The following NAV2 variants were observed in gnomAD, a reference collection of about 807,000 sequenced individuals.
NAV2 encodes helicase, APC down-regulated 1.
A neutral mutation model predicts 223.2 loss-of-function variants in NAV2; 54 were observed. The ratio of observed to expected loss-of-function variants is 0.24; its 90% CI spans 0.19 to 0.30. NAV2 has a LOEUF of 0.30. Among genes scored for constraint, NAV2 ranks in the 10% least tolerant of loss-of-function variants. NAV2 has a pLI of 1.00. For synonymous variants in NAV2, 1,279 were observed against 1,239.3 expected (o/e 1.03, Z -0.67); for missense variants, 2,806 against 3,147.5 (o/e 0.89, Z 2.60).
chr11:19,579,922 G>A (rs894670902), intron 1 of NAV2, among the ~76,000 whole-genome samples: 6 of 152,172 alleles, frequency 3.9e-5, no homozygotes, highest in Non-Finnish European at 5.9e-5. Flanking sequence ...GGCCCAGCAC[G>A]TTAAACCAGC....
chr11:20,039,712 A>G (rs1355206920), intron 12 of NAV2, among the ~76,000 whole-genome samples: 2 of 152,274 alleles, frequency 1.3e-5, no homozygotes, highest in Admixed American at 1.3e-4. Context: ...GCACCATCCC[A>G]GGTGCTGAGG....
At chr11:19,732,117 G>A (rs2051833077) in intron 1 of NAV2, among the ~76,000 whole-genome samples, 1 of 152,152 alleles carries the variant, frequency 6.6e-6, no homozygotes, top group Non-Finnish European at 1.5e-5. Flanking sequence ...ACCAGGCATG[G>A]TGGCGCGCAC....
rs537124623 is a variant in NAV2, at chr11:20,106,626, G to GTTGTTTTTGTTTTTGTTTTTGTTT, written c.6841+908_6841+931dup. 6.1e-4 allele frequency among the ~76,000 whole-genome samples: 91 copies of GTTGTTTTTGTTTTTGTTTTTGTTT among 149,608 alleles called. 1 individual carries two copies. The highest frequency in any genetic ancestry group is 2.4e-3 in the Admixed American group (36 of 15,010). Reference sequence around the variant, plus strand: ...GAGCATTCTTTGTTGCTACTCAGTTGTTGTTTTTGTTTTTGTTTTTGTTTT... The same window carrying GTTGTTTTTGTTTTTGTTTTTGTTT: ...GAGCATTCTTTGTTGCTACTCAGTTGTTGTTTTTGTTTTTGTTTTTGTTTTTGTTTTTGTTTTTGTTTTTGTTTT... On this transcript the variant is annotated intron_variant, in intron 35 of 37. Transcript: ENST00000349880.
At chr11:20,047,548 C>T (rs2057566550) in intron 14 of NAV2, among the ~76,000 whole-genome samples, 1 of 152,152 alleles carries the variant, frequency 6.6e-6, no homozygotes, top group Non-Finnish European at 1.5e-5. Context: ...ATTGGAAGTG[C>T]TTGGCAATGG....
At position 19,890,144 on chromosome 11, in the gene NAV2, G is replaced by A. The variant is rs777011434; in HGVS notation, c.771-2290G>A. ...CAATGGTATAACTGTTAACTATTGG[G>A]TATAACTGTAAATCATTATTCATCA... On this transcript the variant is annotated intron_variant, in intron 5 of 37. Transcript: ENST00000349880. Among the ~76,000 whole-genome samples, 34 of 152,168 alleles carry A rather than the reference G, an allele frequency of 2.2e-4. 1 individual carries two copies. Among genetic ancestry groups the A allele is most frequent in the Non-Finnish European group, 3.2e-4 (22 of 68,046 alleles).
intron 10 of NAV2, among the ~76,000 whole-genome samples, chr11:19,962,706 G>A (rs1800800596): frequency 6.6e-6 from 1 of 152,158 alleles, no homozygotes; most frequent in Admixed American, 6.5e-5. Context: ...TGCAGAGTGA[G>A]ACAGACACAC....
chr11:19,683,561 G>A (rs1349755311), intron 1 of NAV2, among the ~76,000 whole-genome samples: 1 of 152,278 alleles, frequency 6.6e-6, no homozygotes, highest in Non-Finnish European at 1.5e-5. Context: ...GGGGAGAAGA[G>A]TCAGGCAAGG....
intron 6 of NAV2, among the ~76,000 whole-genome samples, chr11:19,923,486 C>T (rs1474904885): frequency 1.3e-5 from 2 of 152,142 alleles, no homozygotes; most frequent in Non-Finnish European, 2.9e-5. Flanking sequence ...TTATATTGTT[C>T]AGTGGAAGCC....
At chr11:19,640,240 G>A (rs1200137715) in intron 1 of NAV2, among the ~76,000 whole-genome samples, 1 of 152,128 alleles carries the variant, frequency 6.6e-6, no homozygotes, top group Non-Finnish European at 1.5e-5. Context: ...GGGAAGAAAG[G>A]TTGTTTTGGC....
intron 1 of NAV2, among the ~76,000 whole-genome samples, chr11:19,364,440 C>G (rs937718127): frequency 1.3e-5 from 2 of 152,216 alleles, no homozygotes; most frequent in Admixed American, 6.5e-5. Flanking sequence ...AAACATGTGG[C>G]CAGACTTTCT....
chr11:20,049,725 G>T, intron 15 of NAV2, 111 bp from the exon 16 acceptor site: 1 of 1,013,276 alleles, frequency 9.9e-7, no homozygotes. Flanking sequence ...CTGCATATAG[G>T]GAAGAAAGCG....
At chr11:19,465,355 A>G (rs746367513) in intron 1 of NAV2, among the ~76,000 whole-genome samples, 34 of 152,360 alleles carry the variant, frequency 2.2e-4, no homozygotes, top group Non-Finnish European at 3.4e-4. Flanking sequence ...TCCCATATCT[A>G]CAGGTAGAGT....
intron 1 of NAV2, among the ~76,000 whole-genome samples, chr11:19,421,571 T>A (rs1015196608): frequency 1.3e-5 from 2 of 152,324 alleles, no homozygotes; most frequent in South Asian, 2.1e-4. Context: ...ATTAACTTTT[T>A]AAAAATTAGT....
chr11:19,929,233 A>G (rs2045089353), intron 6 of NAV2, among the ~76,000 whole-genome samples: 2 of 152,198 alleles, frequency 1.3e-5, no homozygotes, highest in South Asian at 4.1e-4. Flanking sequence ...AGCCTGGGTG[A>G]CAGAGTGAGA....
At chr11:19,697,882 T>G (rs1200497868) in intron 1 of NAV2, among the ~76,000 whole-genome samples, 1 of 152,166 alleles carries the variant, frequency 6.6e-6, no homozygotes, top group Non-Finnish European at 1.5e-5. Flanking sequence ...TTTTTCCCAC[T>G]GAACTCTTGC....
At chr11:19,845,925 C>G (rs2060781657) in intron 3 of NAV2, among the ~76,000 whole-genome samples, 1 of 152,198 alleles carries the variant, frequency 6.6e-6, no homozygotes, top group African/African-American at 2.4e-5. Context: ...GCTGAATACA[C>G]AGGTGACCAA....
rs2063473010 is a variant in NAV2, at chr11:20,121,581, A to C, written c.*3323A>C. The C allele has an allele frequency of 6.5e-6, 1 of 152,682 alleles. No individual in the cohort carries two copies. The highest frequency in any genetic ancestry group is 1.5e-5 in the Non-Finnish European group (1 of 68,044). The allele number at this position is 152,682 out of a possible 1,614,324, so 9.5% of individuals were successfully genotyped here. On this transcript the variant is annotated 3_prime_UTR_variant, in exon 38 of 38. Transcript: ENST00000349880. ...CTTAAATTATTCATGATTCAATAAA[A>C]TTGATGCTTATTTATTCAGATTAGT...
intron 5 of NAV2, among the ~76,000 whole-genome samples, chr11:19,888,324 T>C (rs2041203366): frequency 6.6e-6 from 1 of 152,146 alleles, no homozygotes; most frequent in African/African-American, 2.4e-5. Flanking sequence ...CTCACCACGC[T>C]GCCTCAGTGA....
At chr11:19,381,872 G>A (rs1037781170) in intron 1 of NAV2, among the ~76,000 whole-genome samples, 4 of 152,202 alleles carry the variant, frequency 2.6e-5, no homozygotes, top group African/African-American at 9.7e-5. Flanking sequence ...CCTTTTAGAG[G>A]GGCCGTTTCT....
Sources: gnomAD v4.1 joint callset for allele counts (sites outside exome capture counted in the v4.1 genomes callset) on GRCh38, gnomAD v4.1.1 for gene constraint, MANE v1.5 for transcripts, NCBI Gene and HGNC (gene_info 2026-07-23, HGNC 2026-07-21) for gene names.